The following LGSN variants were observed in gnomAD, a reference collection of about 807,000 sequenced individuals.
LGSN encodes lengsin.
A neutral mutation model predicts 19.5 loss-of-function variants in LGSN; 21 were observed. That is an observed-to-expected ratio of 1.07 (90% CI 0.76 to 1.55). The LOEUF is 1.55. Ranked by LOEUF, LGSN falls within the 40% of genes most tolerant of loss-of-function variation. LGSN has a pLI of 0.00. For missense variants in LGSN, 673 were observed against 608.5 expected, an observed-to-expected ratio of 1.11 and a Z score of -1.12; for synonymous variants, 257 against 215.6, an observed-to-expected ratio of 1.19 and a Z score of -1.68.
the LGSN span, among the ~76,000 whole-genome samples, chr6:63,390,894 T>A: frequency 6.6e-6 from 1 of 151,382 alleles, no homozygotes; most frequent in Admixed American, 6.6e-5. Context: ...AAAATTGGAA[T>A]TGAATTAGTT....
chr6:63,366,575 A>C, the LGSN span, among the ~76,000 whole-genome samples: 1 of 152,136 alleles, frequency 6.6e-6, no homozygotes, highest in East Asian at 1.9e-4. Flanking sequence ...TCTTCACAGA[A>C]TTTGAAAAAA....
chr6:63,495,475 T>TTTTTGTTTTTG, the LGSN span, among the ~76,000 whole-genome samples: 1 of 148,788 alleles, frequency 6.7e-6, no homozygotes, highest in Non-Finnish European at 1.5e-5. Flanking sequence ...TTTTTTTTTT[T>TTTTTGTTTTTG]TGAGATGGAG....
the LGSN span, among the ~76,000 whole-genome samples, chr6:63,417,598 A>G: frequency 6.6e-6 from 1 of 152,206 alleles, no homozygotes. Flanking sequence ...CTGGACCCTA[A>G]CTATACTATG....
chr6:63,476,324 C>A, the LGSN span, among the ~76,000 whole-genome samples: 1 of 152,182 alleles, frequency 6.6e-6, no homozygotes, highest in Non-Finnish European at 1.5e-5. Flanking sequence ...GTTGAAAAAA[C>A]CAGGACTGTT....
chr6:63,520,151 TTTCTC>T, the LGSN span, among the ~76,000 whole-genome samples: 3 of 152,212 alleles, frequency 2.0e-5, no homozygotes, highest in African/African-American at 4.8e-5. Context: ...CATTGATACT[TTTCTC>T]TCCTCTGTAT....
chr6:63,419,135 G>A, the LGSN span, among the ~76,000 whole-genome samples: 2 of 151,952 alleles, frequency 1.3e-5, no homozygotes. Flanking sequence ...GAAAATCCAG[G>A]GATCTTATCA....
the LGSN span, among the ~76,000 whole-genome samples, chr6:63,411,823 G>A: frequency 6.6e-6 from 1 of 151,958 alleles, no homozygotes; most frequent in Non-Finnish European, 1.5e-5. Context: ...CTCCAGCCTG[G>A]GTGACAGAGT....
the LGSN span, among the ~76,000 whole-genome samples, chr6:63,336,561 G>GTGTGTGTA: frequency 1.3e-4 from 17 of 127,578 alleles, no homozygotes; most frequent in South Asian, 5.5e-4. Flanking sequence ...GTGTGTGTGT[G>GTGTGTGTA]TATATATATA....
At chr6:63,507,116 A>G in the LGSN span, among the ~76,000 whole-genome samples, 3 of 152,204 alleles carry the variant, frequency 2.0e-5, no homozygotes, top group African/African-American at 4.8e-5. Flanking sequence ...GACCATTCGC[A>G]CTACTCATAA....
chr6:63,285,026 G>A (rs933906613), intron 3 of LGSN, among the ~76,000 whole-genome samples: 3 of 151,970 alleles, frequency 2.0e-5, no homozygotes, highest in Non-Finnish European at 2.9e-5. Context: ...GACAAAAACT[G>A]ATACAAAAAA....
In LGSN at chr6:63,280,903, G is replaced by T. The variant is rs146916095; in HGVS notation, c.648C>A (p.Pro216=). 1 of 1,613,812 alleles carries T rather than the reference G, an allele frequency of 6.2e-7. No homozygotes were observed. Among genetic ancestry groups the T allele is most frequent in the Non-Finnish European group, 8.5e-7 (1 of 1,179,986 alleles). Residue 216 remains proline, a synonymous_variant, in exon 4 of 4, where the codon CCC becomes CCA. Coordinates refer to ENST00000370657, the MANE Select transcript of LGSN (RefSeq NM_016571.3). ...ATATAATCTTTGAATTTAAAATTTC[G>T]GGCACACCAAAAATGCAAAAATCAT... ...FIYDFCIFGV[P]EILNSKIISF...
the LGSN span, among the ~76,000 whole-genome samples, chr6:63,416,585 G>GT: frequency 7.9e-5 from 12 of 151,390 alleles, no homozygotes; most frequent in East Asian, 3.9e-4. Context: ...TGTTGTTTTT[G>GT]TTTTTTTTGA....
chr6:63,276,342 A>T lies in LGSN; in HGVS notation c.*3679T>A, dbSNP rs947986895. 6.6e-6 allele frequency: 1 copy of T among 152,240 alleles called. No homozygotes were observed. The highest frequency in any genetic ancestry group is 1.5e-5 in the Non-Finnish European group (1 of 68,046). 9.4% of individuals were successfully genotyped at this position (152,240 alleles called of 1,614,324 possible). Reference sequence around the variant, plus strand: ...GTTGTTGTTATTCACACACTGTAAAATGAAATTTTAGATTATAGAATGTCC... The same window carrying T: ...GTTGTTGTTATTCACACACTGTAAATTGAAATTTTAGATTATAGAATGTCC... On this transcript the variant is annotated 3_prime_UTR_variant, in exon 4 of 4. Coordinates refer to ENST00000370657, the MANE Select transcript of LGSN (RefSeq NM_016571.3).
At chr6:63,495,469 T>TTTTTTGTTTTTG in the LGSN span, among the ~76,000 whole-genome samples, 2 of 119,298 alleles carry the variant, frequency 1.7e-5, no homozygotes, top group East Asian at 4.9e-4. Flanking sequence ...TTTTTTTTTT[T>TTTTTTGTTTTTG]TTTTTTTGAG....
the LGSN span, among the ~76,000 whole-genome samples, chr6:63,327,818 C>A: frequency 6.6e-6 from 1 of 151,348 alleles, no homozygotes; most frequent in Non-Finnish European, 1.5e-5. Context: ...TCTCTCTTTC[C>A]TTCTTGCTGG....
the LGSN span, among the ~76,000 whole-genome samples, chr6:63,470,211 T>TAAAAAA: frequency 6.6e-6 from 1 of 151,812 alleles, no homozygotes. Context: ...CTCACACCTG[T>TAAAAAA]AATCCCAGCA....
chr6:63,336,933 T>C, the LGSN span, among the ~76,000 whole-genome samples: 1 of 147,586 alleles, frequency 6.8e-6, no homozygotes, highest in Non-Finnish European at 1.5e-5. Context: ...TTTTCTTTTC[T>C]TTTTTTTTGA....
chr6:63,321,629 G>C (rs1769086067), upstream of LGSN, among the ~76,000 whole-genome samples: 1 of 151,914 alleles, frequency 6.6e-6, no homozygotes, highest in African/African-American at 2.4e-5. Flanking sequence ...CTAAAGCTTG[G>C]TTGGACATAT....
chr6:63,546,162 A>G, the LGSN span, among the ~76,000 whole-genome samples: 1 of 152,338 alleles, frequency 6.6e-6, no homozygotes, highest in South Asian at 2.1e-4. Flanking sequence ...TATACATAAC[A>G]TGTATATACA....
Sources: gnomAD v4.1 joint callset for allele counts (sites outside exome capture counted in the v4.1 genomes callset) on GRCh38, gnomAD v4.1.1 for gene constraint, MANE v1.5 for transcripts, NCBI Gene and HGNC (gene_info 2026-07-23, HGNC 2026-07-21) for gene names.